The following KCTD16 variants were observed in gnomAD, a reference collection of about 807,000 sequenced individuals.
KCTD16 encodes the protein BTB/POZ domain-containing protein KCTD16.
Under a neutral mutation model 33.2 loss-of-function variants are expected in KCTD16, and 13 were observed. That is an observed-to-expected ratio of 0.39 (90% CI 0.25 to 0.62). KCTD16 has a LOEUF of 0.62. Among genes scored for constraint, KCTD16 ranks in the 20% least tolerant of loss-of-function variants. The probability of loss-of-function intolerance (pLI) is 0.50; values close to 1 mark genes in which losing one functional copy is unlikely to be tolerated. For synonymous variants in KCTD16, 197 were observed against 195.3 expected, an observed-to-expected ratio of 1.01 and a Z score of -0.07; for missense variants, 441 against 525.1, an observed-to-expected ratio of 0.84 and a Z score of 1.57.
At chr5:144,421,821 A>G (rs1753218465) in intron 3 of KCTD16, among the ~76,000 whole-genome samples, 1 of 152,164 alleles carries the variant, frequency 6.6e-6, no homozygotes, top group South Asian at 2.1e-4. Flanking sequence ...GAATCCAGGG[A>G]GAAAGTAAAT....
At chr5:144,333,342 G>A (rs1241286230) in intron 3 of KCTD16, among the ~76,000 whole-genome samples, 1 of 152,142 alleles carries the variant, frequency 6.6e-6, no homozygotes, top group Non-Finnish European at 1.5e-5. Context: ...AATAATATAT[G>A]TTTTTGACAA....
intron 3 of KCTD16, among the ~76,000 whole-genome samples, chr5:144,217,758 G>A (rs1397088117): frequency 2.0e-5 from 3 of 151,838 alleles, no homozygotes; most frequent in Non-Finnish European, 4.4e-5. Context: ...AATCTGCCAG[G>A]GAAGTGATTA....
intron 3 of KCTD16, among the ~76,000 whole-genome samples, chr5:144,378,910 C>T (rs954867378): frequency 9.9e-5 from 15 of 152,088 alleles, no homozygotes; most frequent in African/African-American, 3.6e-4. Flanking sequence ...TGCTAACATT[C>T]GTCATAGGAG....
At chr5:144,316,816 G>A (rs1400025481) in intron 3 of KCTD16, among the ~76,000 whole-genome samples, 1 of 144,224 alleles carries the variant, frequency 6.9e-6, no homozygotes, top group East Asian at 2.1e-4. Flanking sequence ...CCTGGCCCTG[G>A]CCAGCATCCC....
chr5:144,369,924 A>G (rs1449061108), intron 3 of KCTD16, among the ~76,000 whole-genome samples: 1 of 152,198 alleles, frequency 6.6e-6, no homozygotes, highest in Non-Finnish European at 1.5e-5. Flanking sequence ...AATGAGGCTA[A>G]AGTTGGTAGG....
At chr5:144,219,093 AG>A (rs1272151214) in intron 3 of KCTD16, among the ~76,000 whole-genome samples, 1 of 152,180 alleles carries the variant, frequency 6.6e-6, no homozygotes, top group Non-Finnish European at 1.5e-5. Context: ...TCCACATAAA[AG>A]GGGGATGAGG....
intron 3 of KCTD16, among the ~76,000 whole-genome samples, chr5:144,341,832 T>C (rs950269800): frequency 2.6e-5 from 4 of 152,328 alleles, no homozygotes; most frequent in Non-Finnish European, 5.9e-5. Flanking sequence ...CTTAGCCCCA[T>C]AGGAAATAGA....
At chr5:144,348,482 C>T (rs1752862402) in intron 3 of KCTD16, among the ~76,000 whole-genome samples, 1 of 152,206 alleles carries the variant, frequency 6.6e-6, no homozygotes, top group Non-Finnish European at 1.5e-5. Context: ...AAATACTCTA[C>T]CCATCATCCT....
At chr5:144,310,286 T>C (rs1047756402) in intron 3 of KCTD16, among the ~76,000 whole-genome samples, 3 of 152,232 alleles carry the variant, frequency 2.0e-5, no homozygotes, top group African/African-American at 7.2e-5. Flanking sequence ...ACATTTTCTT[T>C]ATACAATCAT....
chr5:144,430,768 G>A (rs1753440222), intron 3 of KCTD16, among the ~76,000 whole-genome samples: 1 of 152,084 alleles, frequency 6.6e-6, no homozygotes, highest in Non-Finnish European at 1.5e-5. Flanking sequence ...GGGAAAGAGT[G>A]TGAGGATACT....
intron 3 of KCTD16, among the ~76,000 whole-genome samples, chr5:144,447,186 A>G (rs1753838599): frequency 6.6e-6 from 1 of 152,200 alleles, no homozygotes; most frequent in South Asian, 2.1e-4. Context: ...GACTGGATAA[A>G]GAAAATGTGG....
intron 3 of KCTD16, among the ~76,000 whole-genome samples, chr5:144,438,143 A>C (rs1180613345): frequency 6.6e-6 from 1 of 152,232 alleles, no homozygotes; most frequent in African/African-American, 2.4e-5. Flanking sequence ...CGGCTACTAG[A>C]AAACTTAAAA....
Position 144,472,151 on chromosome 5 carries a change from G to A in KCTD16, c.833-1509G>A, listed in dbSNP as rs576319957. 4.6e-5 allele frequency among the ~76,000 whole-genome samples: 7 copies of A among 152,250 alleles called. No individual in the cohort carries two copies. The South Asian group carries it at 1.2e-3, about 27-fold the overall frequency. On this transcript the variant is annotated intron_variant, in intron 3 of 3. Coordinates refer to ENST00000512467, the MANE Select transcript of KCTD16 (RefSeq NM_020768.4). ...AAGATATAGTGTAAATCAAAATGGG[G>A]TCTCCTTTAAAACTGTATAAAGGTA...
rs546291205 is a variant in KCTD16, at chr5:144,453,917, C to T, written c.833-19743C>T. On this transcript the variant is annotated intron_variant, in intron 3 of 3. Coordinates refer to ENST00000512467, the MANE Select transcript of KCTD16 (RefSeq NM_020768.4). ...CCCTACGGCTTCAGAAGTGAGGCCC[C>T]GTTTACTCTAGGGTGACCTCATGTT... is the stretch of plus-strand genomic sequence containing the variant. Among the ~76,000 whole-genome samples the T allele has an allele frequency of 1.1e-4, 17 of 152,186 alleles. No individual in the cohort carries two copies. The East Asian group carries it at 1.4e-3, about 12-fold the overall frequency.
chr5:144,442,450 C>CTTCTTTCTGTCTTTCTTTCTTTCT (rs1753732785), intron 3 of KCTD16, among the ~76,000 whole-genome samples: 9 of 147,878 alleles, frequency 6.1e-5, no homozygotes, highest in Admixed American at 4.8e-4. Flanking sequence ...TCTTTTCTTT[C>CTTCTTTCTGTCTTTCTTTCTTTCT]TTCTTTCTTT....
At chr5:144,358,918 A>T (rs955809619) in intron 3 of KCTD16, among the ~76,000 whole-genome samples, 1 of 152,138 alleles carries the variant, frequency 6.6e-6, no homozygotes, top group Non-Finnish European at 1.5e-5. Flanking sequence ...GGATTTCCCC[A>T]TATGAGTATA....
At chr5:144,215,252 A>T (rs548114609) in intron 3 of KCTD16, among the ~76,000 whole-genome samples, 37 of 152,258 alleles carry the variant, frequency 2.4e-4, no homozygotes, top group African/African-American at 8.2e-4. Flanking sequence ...TAGTTGGTTC[A>T]TCCAAGCAGG....
intron 3 of KCTD16, among the ~76,000 whole-genome samples, chr5:144,279,853 C>T (rs903945917): frequency 7.2e-5 from 11 of 152,178 alleles, no homozygotes; most frequent in African/African-American, 2.4e-4. Flanking sequence ...AAGATCTGTT[C>T]TATTTCTCAT....
chr5:144,333,709 TG>T (rs1308854500), intron 3 of KCTD16, among the ~76,000 whole-genome samples: 1 of 152,160 alleles, frequency 6.6e-6, no homozygotes, highest in African/African-American at 2.4e-5. Flanking sequence ...GGCATGTCCA[TG>T]GCAAAGGCAG....
Sources: gnomAD v4.1 joint callset for allele counts (sites outside exome capture counted in the v4.1 genomes callset) on GRCh38, gnomAD v4.1.1 for gene constraint, MANE v1.5 for transcripts, NCBI Gene and HGNC (gene_info 2026-07-23, HGNC 2026-07-21) for gene names.